Variants in VPS35L observed in about 807,000 individuals in gnomAD.
VPS35L encodes the protein VPS35 endosomal protein-sorting factor-like.
In VPS35L, 83 loss-of-function variants were observed where a neutral mutation model predicts 133.0. The ratio of observed to expected loss-of-function variants is 0.62; its 90% confidence interval spans 0.52 to 0.75. The LOEUF (loss-of-function observed/expected upper bound fraction) is 0.75. VPS35L is among the 30% of genes least tolerant of loss of function. The probability of loss-of-function intolerance (pLI) is 0.00; values close to 1 mark genes in which losing one functional copy is unlikely to be tolerated. For missense variants in VPS35L, 1,083 were observed against 1,206.8 expected (o/e 0.90, Z 1.52); for synonymous variants, 423 against 449.9 (o/e 0.94, Z 0.76).
Position 19,699,364 on chromosome 16 carries a change from G to C in VPS35L, c.2647-138G>C. Reference sequence around the variant, plus strand: ...GGGACTTTGGGAGGTTCAGCAGCTTGCCCTACAGCAAATACATGGCAGAGC... The same window carrying C: ...GGGACTTTGGGAGGTTCAGCAGCTTCCCCTACAGCAAATACATGGCAGAGC... On this transcript the variant is annotated intron_variant, in intron 29 of 30. Coordinates refer to ENST00000417362, the MANE Select transcript of VPS35L (RefSeq NM_020314.7). This position sits in a 1 kb window ranked among gnomAD's most constrained non-coding sequence, Gnocchi z 4.2. 9.2e-7 allele frequency: 1 copy of C among 1,082,802 alleles called. No individual in the cohort carries two copies. The highest frequency in any genetic ancestry group is 2.7e-5 in the East Asian group (1 of 37,688). 67.1% of individuals were successfully genotyped at this position (1,082,802 alleles called of 1,614,324 possible). A position where few individuals can be genotyped will look rare whatever the true frequency, so the allele number is the denominator to read the frequency against.
chr16:19,569,386 T>C lies in VPS35L; in HGVS notation c.118-38T>C, dbSNP rs553777201. ...TGGAGTGTTTCACTGGAGAGAGTTG[T>C]GGGAGTTCCGTTTTACCTCCAGAAA... On this transcript the variant is annotated intron_variant, in intron 2 of 30. Transcript: ENST00000417362. 4.4e-6 allele frequency: 7 copies of C among 1,597,394 alleles called. No individual in the cohort carries two copies. The South Asian group carries it at 5.6e-5, about 13-fold the overall frequency.
chr16:19,619,091 C>T (rs1597366981), intron 14 of VPS35L, among the ~76,000 whole-genome samples: 1 of 151,836 alleles, frequency 6.6e-6, no homozygotes, highest in African/African-American at 2.4e-5. Context: ...TCACCACACT[C>T]AGATAATTTT....
intron 15 of VPS35L, among the ~76,000 whole-genome samples, chr16:19,626,901 A>G (rs772854767): frequency 4.6e-5 from 7 of 152,170 alleles, no homozygotes; most frequent in Non-Finnish European, 1.0e-4. Flanking sequence ...TGGTAGATAC[A>G]TGGAAACAGC....
chr16:19,560,368 T>G (rs1204986192), intron 1 of VPS35L, among the ~76,000 whole-genome samples: 1 of 152,258 alleles, frequency 6.6e-6, no homozygotes, highest in Non-Finnish European at 1.5e-5. Context: ...TAGCGTTTGC[T>G]CAGCTGTTGA....
At chr16:19,559,317 G>A (rs1449705416) in intron 1 of VPS35L, among the ~76,000 whole-genome samples, 1 of 152,202 alleles carries the variant, frequency 6.6e-6, no homozygotes, top group Admixed American at 6.5e-5. Flanking sequence ...GTCATTGCTG[G>A]TGATCTGTGA....
intron 1 of VPS35L, among the ~76,000 whole-genome samples, chr16:19,564,320 G>A (rs913197497): frequency 1.3e-4 from 20 of 149,092 alleles, no homozygotes; most frequent in African/African-American, 4.1e-4. Flanking sequence ...CTCGTGATCC[G>A]CCTGCCTCGG....
At chr16:19,608,422 G>A in intron 10 of VPS35L, 148 bp downstream of exon 10, 5 of 634,268 alleles carry the variant, frequency 7.9e-6, no homozygotes, top group South Asian at 2.0e-5. Context: ...CACATACAGG[G>A]CAAGCCACAT....
intron 9 of VPS35L, among the ~76,000 whole-genome samples, chr16:19,605,076 C>T (rs2151542025): frequency 6.6e-6 from 1 of 152,264 alleles, no homozygotes; most frequent in Admixed American, 6.5e-5. Flanking sequence ...TAAGCAGTGG[C>T]CTTAACTGAC....
chr16:19,668,329 T>C lies in VPS35L; in HGVS notation c.2222-831T>C, dbSNP rs145071084. Among the ~76,000 whole-genome samples, 3 of 152,312 alleles carry C rather than the reference T, an allele frequency of 2.0e-5. No individual in the cohort carries two copies. The East Asian group carries it at 5.8e-4, about 29-fold the overall frequency. On this transcript the variant is annotated intron_variant, in intron 26 of 30. Transcript: ENST00000417362. ...TGATTGTTTTGACCTTGAGGCTTTTTCTCACGGTCAATACCTTGGCAGTTT... is the reference window on the plus strand; with the variant it reads ...TGATTGTTTTGACCTTGAGGCTTTTCCTCACGGTCAATACCTTGGCAGTTT...
chr16:19,610,935 G>A (rs1422056824), intron 12 of VPS35L, among the ~76,000 whole-genome samples: 2 of 152,164 alleles, frequency 1.3e-5, no homozygotes, highest in African/African-American at 4.8e-5. Flanking sequence ...TTAAAGCACC[G>A]TGAGGCTTCA....
At chr16:19,607,878 C>A in intron 9 of VPS35L, 1 of 278,570 alleles carries the variant, frequency 3.6e-6, no homozygotes, top group Non-Finnish European at 6.9e-6. Context: ...CACTACATTC[C>A]TCTGTGCCTT....
intron 8 of VPS35L, among the ~76,000 whole-genome samples, chr16:19,592,379 C>T (rs570241376): frequency 6.6e-6 from 1 of 152,170 alleles, no homozygotes; most frequent in African/African-American, 2.4e-5. Context: ...CATGCCTGGC[C>T]TGTTTTTCCT....
At chr16:19,565,006 C>T in intron 2 of VPS35L, 56 bp downstream of exon 2, 10 of 1,324,028 alleles carry the variant, frequency 7.6e-6, no homozygotes, top group Non-Finnish European at 1.1e-5. Context: ...AAATGAAAGA[C>T]AATCTTCCTG....
chr16:19,641,482 G>A (rs924482171), intron 21 of VPS35L, among the ~76,000 whole-genome samples: 6 of 152,028 alleles, frequency 3.9e-5, no homozygotes, highest in Non-Finnish European at 8.8e-5. Context: ...AGAAAAAAAA[G>A]CTAGTTACTT....
At chr16:19,693,077 A>G (rs1017668079) in intron 29 of VPS35L, among the ~76,000 whole-genome samples, 2 of 152,346 alleles carry the variant, frequency 1.3e-5, no homozygotes, top group Non-Finnish European at 2.9e-5. Flanking sequence ...ACTGTGTCCT[A>G]CTGACCCTGG....
rs61045050 is a variant in VPS35L at position 19,681,997 on chromosome 16, A to C, written c.2362-228A>C. 9.1e-3 allele frequency among the ~76,000 whole-genome samples: 1,379 copies of C among 152,208 alleles called. 13 individuals carry two copies. The highest frequency in any genetic ancestry group is 0.031 in the African/African-American group (1,300 of 41,504). The stretch of plus-strand genomic sequence containing the variant: ...TTGGGATCCAAAAAGGGATTCTCAA[A>C]GCTCGTTTGCCCAGACAGGAGCGTG... On this transcript the variant is annotated intron_variant, in intron 27 of 30. Transcript: ENST00000417362.
intron 19 of VPS35L, among the ~76,000 whole-genome samples, chr16:19,636,281 A>G (rs535123731): frequency 6.6e-6 from 1 of 152,238 alleles, no homozygotes; most frequent in African/African-American, 2.4e-5. Flanking sequence ...ATGATAAAGT[A>G]AATGTATTAA....
intron 19 of VPS35L, among the ~76,000 whole-genome samples, chr16:19,634,985 T>G (rs916915142): frequency 2.0e-5 from 3 of 152,146 alleles, no homozygotes; most frequent in Non-Finnish European, 2.9e-5. Flanking sequence ...GCATTTCAGT[T>G]GAGAATGCAC....
chr16:19,590,776 C>A (rs1465980512), intron 7 of VPS35L, among the ~76,000 whole-genome samples: 2 of 151,792 alleles, frequency 1.3e-5, no homozygotes, highest in Non-Finnish European at 2.9e-5. Flanking sequence ...TAGTGAGAAC[C>A]TGCCTCTACA....
Sources: gnomAD v4.1 joint callset for allele counts (sites outside exome capture counted in the v4.1 genomes callset) on GRCh38, gnomAD v4.1.1 for gene constraint, Gnocchi (gnomAD v3.1) non-coding constraint, MANE v1.5 for transcripts, NCBI Gene and HGNC (gene_info 2026-07-23, HGNC 2026-07-21) for gene names.